STYXL2: variants seen among roughly 807,000 people sequenced by gnomAD.
STYXL2 encodes serine/threonine/tyrosine-interacting-like protein 2.
In STYXL2, 44 loss-of-function variants were observed where a neutral mutation model predicts 52.4. The observed-to-expected ratio is 0.84, with a 90% CI of 0.66 to 1.08. The LOEUF (loss-of-function observed/expected upper bound fraction) is 1.08, where lower values mean the gene tolerates loss of function less well. STYXL2 is among the 50% of genes least tolerant of loss of function. STYXL2 has a pLI of 0.00. For missense variants in STYXL2, 1,604 were observed against 1,471.7 expected, an observed-to-expected ratio of 1.09 and a Z score of -1.47; for synonymous variants, 604 against 586.9, an observed-to-expected ratio of 1.03 and a Z score of -0.42.
At chr1:167,094,805 T>C in intron 1 of STYXL2, 29 bp from the exon 2 acceptor site, 1 of 1,512,706 alleles carries the variant, frequency 6.6e-7, no homozygotes. Context: ...CCTAATTCCC[T>C]AACTGCCTTT....
intron 5 of STYXL2, among the ~76,000 whole-genome samples, chr1:167,121,017 CTT>C (rs11404266): frequency 1.4e-5 from 2 of 141,070 alleles, no homozygotes; most frequent in Non-Finnish European, 1.5e-5. Flanking sequence ...TTAAAAACTC[CTT>C]TTTTTTTTTT....
At chr1:167,110,447 T>G (rs1667594685) in intron 2 of STYXL2, among the ~76,000 whole-genome samples, 1 of 151,696 alleles carries the variant, frequency 6.6e-6, no homozygotes, top group Admixed American at 6.6e-5. Context: ...CAGAGAAAGG[T>G]GAAAATCAAC....
intron 2 of STYXL2, among the ~76,000 whole-genome samples, chr1:167,104,179 C>G (rs1001635490): frequency 3.3e-5 from 5 of 152,024 alleles, no homozygotes; most frequent in African/African-American, 7.2e-5. Flanking sequence ...CCCCCACCCC[C>G]CGTCTCTTCC....
chr1:167,128,238 G>C lies in STYXL2; in HGVS notation c.3107G>C (p.Ser1036Thr), dbSNP rs894219923. The change falls in exon 6 of 6, where the codon AGC becomes ACC. Residue 1036 changes from serine (S) to threonine (T), a missense_variant. By Grantham distance (58) the Ser-to-Thr change is moderately conservative (BLOSUM62 1). Transcript: ENST00000361200. Reference sequence around the variant, plus strand: ...GAGACCTCAAGTTCCCGAGAGGAGAGCCCAGAGCCCTACTTCTTCCGCCGG... The same window carrying C: ...GAGACCTCAAGTTCCCGAGAGGAGACCCCAGAGCCCTACTTCTTCCGCCGG... ...YNETSSSREE[S>T]PEPYFFRRTP... 3 of 1,614,162 alleles carry C rather than the reference G, an allele frequency of 1.9e-6. No individual in the cohort carries two copies. The highest frequency in any genetic ancestry group is 1.1e-5 in the South Asian group (1 of 91,076).
In STYXL2 at chr1:167,128,530, C is replaced by A; in HGVS notation, c.3399C>A (p.Asp1133Glu). 1 of 1,613,862 alleles carries A rather than the reference C, an allele frequency of 6.2e-7. No individual in the cohort carries two copies. ...STDREEEEEM[D>E]DEAIIAAWRR... ...ACAGGGAGGAAGAGGAAGAAATGGA[C>A]GATGAAGCCATCATTGCTGCTTGGA... The change falls in exon 6 of 6, where the codon GAC (aspartate) becomes GAA (glutamate). Residue 1133 changes from aspartate to glutamate, a missense_variant. Transcript: ENST00000361200.
chr1:167,094,778 C>G, intron 1 of STYXL2, 56 bp from the exon 2 acceptor site: 1 of 1,268,976 alleles, frequency 7.9e-7, no homozygotes, highest in Non-Finnish European at 1.1e-6. Context: ...ACTTCTCCCC[C>G]AACAAAACCT....
intron 4 of STYXL2, 109 bp from the exon 5 acceptor site, chr1:167,119,140 C>T: frequency 1.1e-6 from 1 of 946,504 alleles, no homozygotes. Context: ...GAAAAGGAGG[C>T]ACTTGCCCAG....
chr1:167,122,661 A>AT (rs1451403925), intron 5 of STYXL2, among the ~76,000 whole-genome samples: 22 of 151,788 alleles, frequency 1.4e-4, no homozygotes, highest in African/African-American at 3.1e-4. Flanking sequence ...TTAAAAAAAA[A>AT]ATTTTTTTTT....
intron 2 of STYXL2, among the ~76,000 whole-genome samples, chr1:167,110,568 G>A (rs764799461): frequency 2.0e-5 from 3 of 152,018 alleles, no homozygotes; most frequent in Admixed American, 6.5e-5. Flanking sequence ...ACACACTTAG[G>A]GAAATACAAA....
chr1:167,118,357 T>G (rs1667775953), intron 4 of STYXL2, among the ~76,000 whole-genome samples: 1 of 152,214 alleles, frequency 6.6e-6, no homozygotes, highest in Non-Finnish European at 1.5e-5. Context: ...GTTTTCCCAG[T>G]GTAATTATCC....
intron 2 of STYXL2, among the ~76,000 whole-genome samples, chr1:167,100,187 C>A (rs1667372206): frequency 2.0e-5 from 3 of 152,248 alleles, no homozygotes; most frequent in Non-Finnish European, 4.4e-5. Flanking sequence ...CACTTTATAA[C>A]AACCCCCTCT....
intron 2 of STYXL2, among the ~76,000 whole-genome samples, chr1:167,104,433 G>T (rs1667469792): frequency 6.6e-6 from 1 of 152,160 alleles, no homozygotes; most frequent in African/African-American, 2.4e-5. Flanking sequence ...TTGACCTTCA[G>T]TGAATTTCTT....
In STYXL2 at chr1:167,114,458, T is replaced by A. The variant is rs533319871; in HGVS notation, c.205+654T>A. ...ACAACTCTGGTGAGATGGGGTGGAGTGGGATAAAGTGCACACTGATGAAGC... is the reference window on the plus strand; with the variant it reads ...ACAACTCTGGTGAGATGGGGTGGAGAGGGATAAAGTGCACACTGATGAAGC... On this transcript the variant is annotated intron_variant, in intron 3 of 5. Transcript: ENST00000361200. Among the ~76,000 whole-genome samples, 20 of 152,122 alleles carry A rather than the reference T, an allele frequency of 1.3e-4. No individual in the cohort carries two copies. In the South Asian group the frequency reaches 4.2e-3, roughly 32 times the overall value.
chr1:167,104,138 C>T (rs140850682), intron 2 of STYXL2, among the ~76,000 whole-genome samples: 32 of 152,144 alleles, frequency 2.1e-4, no homozygotes, highest in African/African-American at 7.5e-4. Context: ...GAAGTAAGTG[C>T]GCTTGTAATG....
chr1:167,119,588 T>C, intron 5 of STYXL2, 122 bp downstream of exon 5: 2 of 809,120 alleles, frequency 2.5e-6, no homozygotes, highest in South Asian at 1.7e-5. Context: ...AAGGCTGTTT[T>C]CTCTAAGAAA....
rs199616293 is a variant in STYXL2, at chr1:167,126,264, G to T, written c.1133G>T (p.Gly378Val). ...GGTGGCTGGCGCTCAGCCTCCTCTG[G>T]CCAGGGTGGGGAGGAGCTCGAGGAC... The part of the protein sequence containing the change: ...DGGGWRSASS[G>V]QGGEELEDED... Residue 378 changes from glycine to valine, a missense_variant, in exon 6 of 6, where the codon GGC becomes GTC. Physicochemically the swap from Gly to Val is moderately radical, Grantham distance 109. Coordinates refer to ENST00000361200, the MANE Select transcript of STYXL2 (RefSeq NM_001080426.3). 26 of 1,543,682 alleles carry T rather than the reference G, an allele frequency of 1.7e-5. No homozygotes were observed. The East Asian group carries it at 4.6e-4, about 27-fold the overall frequency.
At chr1:167,099,481 A>C (rs1279234441) in intron 2 of STYXL2, among the ~76,000 whole-genome samples, 1 of 152,236 alleles carries the variant, frequency 6.6e-6, no homozygotes, top group Non-Finnish European at 1.5e-5. Context: ...TAGTGATTGA[A>C]ATAATACAGA....
intron 5 of STYXL2, among the ~76,000 whole-genome samples, chr1:167,120,636 C>A (rs1284544225): frequency 6.6e-6 from 1 of 151,398 alleles, no homozygotes; most frequent in Non-Finnish European, 1.5e-5. Context: ...ATTATTTTTA[C>A]TTTTTATTTT....
In STYXL2 at chr1:167,117,411, T is replaced by A; in HGVS notation, c.289T>A (p.Tyr97Asn). 1 of 1,612,756 alleles carries A rather than the reference T, an allele frequency of 6.2e-7. No individual in the cohort carries two copies. The highest frequency in any genetic ancestry group is 8.5e-7 in the Non-Finnish European group (1 of 1,179,492). Residue 97 changes from tyrosine to asparagine, a missense_variant, in exon 4 of 6, where the codon TAC becomes AAC. Transcript: ENST00000361200. ...SAEQLLVEDLYNRVREKMDDT... is the reference protein window; with the variant it reads ...SAEQLLVEDLNNRVREKMDDT... ...TGAACAGCTGCTGGTGGAGGACCTG[T>A]ACAACCGCGTCAGGGAGAAGATGGA...
Sources: gnomAD v4.1 joint callset for allele counts (sites outside exome capture counted in the v4.1 genomes callset) on GRCh38, gnomAD v4.1.1 for gene constraint, MANE v1.5 for transcripts, NCBI Gene and HGNC (gene_info 2026-07-23, HGNC 2026-07-21) for gene names.